The following ANGPTL4 variants were observed in gnomAD, a reference collection of about 807,000 sequenced individuals.
ANGPTL4 encodes the protein angiopoietin like 4, also known as angiopoietin-related protein 4.
Under a neutral mutation model 39.2 loss-of-function variants are expected in ANGPTL4, and 39 were observed. That is an observed-to-expected ratio of 1.00 (90% confidence interval 0.77 to 1.30). The LOEUF (loss-of-function observed/expected upper bound fraction) is 1.30. ANGPTL4 is among the 50% of genes most tolerant of loss of function. The pLI is 0.00. For missense variants in ANGPTL4, 545 were observed against 549.8 expected, an observed-to-expected ratio of 0.99 and a Z score of 0.09; for synonymous variants, 233 against 229.5, an observed-to-expected ratio of 1.02 and a Z score of -0.14.
rs905582682 is a variant in ANGPTL4, at chr19:8,373,912, C to A, written c.*26C>A. 6.2e-7 allele frequency: 1 copy of A among 1,610,044 alleles called. No homozygotes were observed. ...CGTCCTGGCTGGGCCTGGTCCCAGG[C>A]CCACGAAAGACGGTGACTCTTGGCT... On this transcript the variant is annotated 3_prime_UTR_variant, in exon 7 of 7. Coordinates refer to ENST00000301455, the MANE Select transcript of ANGPTL4 (RefSeq NM_139314.3).
At chr19:8,367,286 G>C (rs1971025836) in intron 3 of ANGPTL4, among the ~76,000 whole-genome samples, 1 of 152,180 alleles carries the variant, frequency 6.6e-6, no homozygotes, top group South Asian at 2.1e-4. Flanking sequence ...AGGATGAGGG[G>C]CTTCTGGAGG....
At chr19:8,368,433 C>A (rs1046227456) in intron 3 of ANGPTL4, among the ~76,000 whole-genome samples, 5 of 152,198 alleles carry the variant, frequency 3.3e-5, no homozygotes, top group African/African-American at 1.2e-4. Context: ...AGAGGAGAGA[C>A]CATTAGATGA....
Position 8,371,622 on chromosome 19 carries a change from C to T in ANGPTL4, c.1039+100C>T. The stretch of plus-strand genomic sequence containing the variant: ...AACCCCACATTGCATCTGTTTCCTG[C>T]CCCCACCTCTTCCTTACATGCCGTG... On this transcript the variant is annotated intron_variant, in intron 6 of 6. Coordinates refer to ENST00000301455, the MANE Select transcript of ANGPTL4 (RefSeq NM_139314.3). This position sits in a 1 kb window ranked among gnomAD's most constrained non-coding sequence, Gnocchi z 5.1. The T allele has an allele frequency of 1.3e-6, 2 of 1,510,712 alleles. No individual in the cohort carries two copies. Among genetic ancestry groups the T allele is most frequent in the East Asian group, 2.4e-5 (1 of 41,980 alleles). 93.6% of individuals were successfully genotyped at this position (1,510,712 alleles called of 1,614,324 possible).
rs1971172800 is a variant in ANGPTL4 at position 8,373,730 on chromosome 19, C to T, written c.1065C>T (p.Ser355=). ...LSGGWWFGTC[S]HSNLNGQYFR... The stretch of plus-strand genomic sequence containing the variant: ...GAGGCTGGTGGTTTGGCACCTGCAG[C>T]CATTCCAACCTCAACGGCCAGTACT... Residue 355 remains serine, a synonymous_variant, in exon 7 of 7, where the codon AGC becomes AGT. Coordinates refer to ENST00000301455, the MANE Select transcript of ANGPTL4 (RefSeq NM_139314.3). The T allele has an allele frequency of 1.2e-6, 2 of 1,613,822 alleles. No individual in the cohort carries two copies. The highest frequency in any genetic ancestry group is 1.7e-5 in the Admixed American group (1 of 60,002).
At position 8,371,960 on chromosome 19, in the gene ANGPTL4, G is replaced by A. The variant is rs1052544488; in HGVS notation, c.1039+438G>A. Among the ~76,000 whole-genome samples the A allele has an allele frequency of 4.0e-5, 6 of 151,684 alleles. No individual in the cohort carries two copies. Among genetic ancestry groups the A allele is most frequent in the Non-Finnish European group, 7.4e-5 (5 of 67,938 alleles). On this transcript the variant is annotated intron_variant, in intron 6 of 6. Transcript: ENST00000301455. The surrounding 1 kb of genome is among the most constrained non-coding windows in gnomAD (Gnocchi z 5.1). ...TTTTTAGTAGAGATGGGGTTTCACC[G>A]TGTTAGCCAGGATGGTCTCGATCTC...
Position 8,364,266 on chromosome 19 carries a change from G to T in ANGPTL4, c.-56G>T. The T allele has an allele frequency of 6.6e-7, 1 of 1,505,446 alleles. No homozygotes were observed. 93.3% of individuals were successfully genotyped at this position (1,505,446 alleles called of 1,614,324 possible). A position where few individuals can be genotyped will look rare whatever the true frequency, so the allele number is the denominator to read the frequency against. On this transcript the variant is annotated 5_prime_UTR_variant, in exon 1 of 7. Transcript: ENST00000301455. ...CTCCGCGTCTCCAGTCCTCGCACCT[G>T]GAACCCCAACGTCCCCGAGAGTCCC...
chr19:8,368,377 G>A (rs941193694), intron 3 of ANGPTL4, among the ~76,000 whole-genome samples: 2 of 152,208 alleles, frequency 1.3e-5, no homozygotes, highest in Non-Finnish European at 2.9e-5. Context: ...CAGGCTGTGG[G>A]CAGAGCTGCT....
Position 8,364,431 on chromosome 19 carries a change from C to T in ANGPTL4, c.110C>T (p.Ser37Phe). 6.4e-7 allele frequency: 1 copy of T among 1,552,824 alleles called. No homozygotes were observed. The highest frequency in any genetic ancestry group is 8.7e-7 in the Non-Finnish European group (1 of 1,151,196). Residue 37 changes from serine (S) to phenylalanine (F), a missense_variant, in exon 1 of 7, where the codon TCC (serine) becomes TTC (phenylalanine). Transcript: ENST00000301455. ...PVQSKSPRFA[S>F]WDEMNVLAHG... is the part of the protein sequence containing the mutation. Reference sequence around the variant, plus strand: ...CAGTCCAAGTCGCCGCGCTTTGCGTCCTGGGACGAGATGAATGTCCTGGCG... The same window carrying T: ...CAGTCCAAGTCGCCGCGCTTTGCGTTCTGGGACGAGATGAATGTCCTGGCG...
chr19:8,373,796 A>C lies in ANGPTL4; in HGVS notation c.1131A>C (p.Gly377=), dbSNP rs141084256. Residue 377 remains glycine, a synonymous_variant, in exon 7 of 7, where the codon GGA becomes GGC. Coordinates refer to ENST00000301455, the MANE Select transcript of ANGPTL4 (RefSeq NM_139314.3). The stretch of plus-strand genomic sequence containing the variant: ...AGCAGCGGCAGAAGCTTAAGAAGGG[A>C]ATCTTCTGGAAGACCTGGCGGGGCC... ...IPQQRQKLKK[G]IFWKTWRGRY... The C allele has an allele frequency of 3.1e-6, 5 of 1,613,894 alleles. No homozygotes were observed. In the East Asian group the frequency reaches 1.1e-4, roughly 36 times the overall value.
In ANGPTL4 at chr19:8,366,977, G is replaced by C. The variant is rs1037814545; in HGVS notation, c.547+658G>C. Among the ~76,000 whole-genome samples the C allele has an allele frequency of 9.1e-4, 135 of 149,108 alleles. 1 individual carries two copies. Among genetic ancestry groups the C allele is most frequent in the Non-Finnish European group, 1.2e-4 (8 of 67,520 alleles). ...AAATCTCCGTTCATCTCGAACCACA[G>C]CATGTCCACGTGTGTCCGATGCAGA... On this transcript the variant is annotated intron_variant, in intron 3 of 6. Coordinates refer to ENST00000301455, the MANE Select transcript of ANGPTL4 (RefSeq NM_139314.3).
At position 8,364,401 on chromosome 19, in the gene ANGPTL4, C is replaced by A; in HGVS notation, c.80C>A (p.Pro27His). 2.6e-6 allele frequency: 4 copies of A among 1,546,858 alleles called. No homozygotes were observed. Among genetic ancestry groups the A allele is most frequent in the Non-Finnish European group, 3.5e-6 (4 of 1,149,456 alleles). Residue 27 changes from proline (P) to histidine (H), a missense_variant, in exon 1 of 7, where the codon CCC becomes CAC. Physicochemically the swap from Pro to His is moderately conservative, Grantham distance 77. Transcript: ENST00000301455. ...TAVLLSAQGG[P>H]VQSKSPRFAS... The stretch of plus-strand genomic sequence containing the variant: ...GTGCTACTGAGCGCTCAGGGCGGAC[C>A]CGTGCAGTCCAAGTCGCCGCGCTTT...
rs756440132 is a variant in ANGPTL4 at position 8,373,780 on chromosome 19, A to G, written c.1115A>G (p.Gln372Arg). 8.1e-5 allele frequency: 131 copies of G among 1,613,964 alleles called. No homozygotes were observed. Among genetic ancestry groups the G allele is most frequent in the East Asian group, 5.8e-4 (26 of 44,892 alleles). ...TTCCGCTCCATCCCACAGCAGCGGCAGAAGCTTAAGAAGGGAATCTTCTGG... is the reference window on the plus strand; with the variant it reads ...TTCCGCTCCATCCCACAGCAGCGGCGGAAGCTTAAGAAGGGAATCTTCTGG... ...QYFRSIPQQR[Q>R]KLKKGIFWKT... Residue 372 changes from glutamine to arginine, a missense_variant, in exon 7 of 7, where the codon CAG (glutamine) becomes CGG (arginine). Coordinates refer to ENST00000301455, the MANE Select transcript of ANGPTL4 (RefSeq NM_139314.3).
At chr19:8,369,035 T>TA (rs1971061747) in intron 3 of ANGPTL4, among the ~76,000 whole-genome samples, 184 bp from the exon 4 acceptor site, 6 of 152,232 alleles carry the variant, frequency 3.9e-5, no homozygotes, top group South Asian at 4.1e-4. Context: ...TTGTGGACCA[T>TA]GCTGAGGAAG....
chr19:8,369,453 GTCT>G, intron 4 of ANGPTL4, 121 bp downstream of exon 4: 9 of 590,424 alleles, frequency 1.5e-5, no homozygotes, highest in South Asian at 4.2e-5. Flanking sequence ...GCCCAAGCTG[GTCT>G]TTTTTTTTTT....
At chr19:8,372,604 G>A (rs1971145951) in intron 6 of ANGPTL4, among the ~76,000 whole-genome samples, 2 of 151,372 alleles carry the variant, frequency 1.3e-5, no homozygotes, top group South Asian at 2.1e-4. Flanking sequence ...ACCAATCTGA[G>A]CAACAGGGCG....
chr19:8,373,977 T>A lies in ANGPTL4; in HGVS notation c.*91T>A. ...GGCCGTTCCCTGCCTGGGCAGGGGC[T>A]CCAAGGAGGGGCCATCTGGAAACTT... On this transcript the variant is annotated 3_prime_UTR_variant, in exon 7 of 7. Transcript: ENST00000301455. 7.0e-7 allele frequency: 1 copy of A among 1,420,980 alleles called. No individual in the cohort carries two copies. Among genetic ancestry groups the A allele is most frequent in the Non-Finnish European group, 9.8e-7 (1 of 1,018,870 alleles). The allele number at this position is 1,420,980 out of a possible 1,614,324, so 88.0% of individuals were successfully genotyped here. A position where few individuals can be genotyped will look rare whatever the true frequency, so the allele number is the denominator to read the frequency against.
At chr19:8,373,443 C>CAT (rs1971165052) in intron 6 of ANGPTL4, among the ~76,000 whole-genome samples, 1 of 150,258 alleles carries the variant, frequency 6.7e-6, no homozygotes, top group Admixed American at 6.6e-5. Flanking sequence ...TGGTGGCAGG[C>CAT]GCCTGTAATC....
At chr19:8,373,376 C>G (rs1323521118) in intron 6 of ANGPTL4, among the ~76,000 whole-genome samples, 1 of 151,684 alleles carries the variant, frequency 6.6e-6, no homozygotes, top group Non-Finnish European at 1.5e-5. Flanking sequence ...TGCACTCCAG[C>G]CTGGGAGATA....
intron 1 of ANGPTL4, among the ~76,000 whole-genome samples, chr19:8,365,204 G>A (rs1970977322): frequency 6.6e-6 from 1 of 151,446 alleles, no homozygotes; most frequent in Admixed American, 6.6e-5. Context: ...AAAGCCAGGT[G>A]CGGTGACTCA....
Sources: allele counts gnomAD v4.1 joint callset (sites outside exome capture counted in the v4.1 genomes callset), GRCh38; gene constraint gnomAD v4.1.1; non-coding constraint Gnocchi (gnomAD v3.1); transcripts MANE v1.5; gene names NCBI Gene and HGNC (gene_info 2026-07-23, HGNC 2026-07-21).